The following TRAK1 variants were observed in gnomAD, a reference collection of about 807,000 sequenced individuals.
TRAK1 encodes trafficking kinesin protein 1, also known as trafficking kinesin-binding protein 1.
In TRAK1, 33 loss-of-function variants were observed where a neutral mutation model predicts 92.1. That is an observed-to-expected ratio of 0.36 (90% CI 0.27 to 0.48). TRAK1 has a LOEUF of 0.48. Among genes scored for constraint, TRAK1 ranks in the 20% least tolerant of loss-of-function variants. TRAK1 has a pLI of 0.99. For synonymous variants in TRAK1, 521 were observed against 517.3 expected (o/e 1.01, Z -0.10); for missense variants, 1,123 against 1,257.9 (o/e 0.89, Z 1.62).
chr3:42,113,825 A>T (rs1197937986), intron 1 of TRAK1, among the ~76,000 whole-genome samples: 1 of 152,196 alleles, frequency 6.6e-6, no homozygotes, highest in Non-Finnish European at 1.5e-5. Context: ...CAGTGTTGGG[A>T]TTACATACGT....
At chr3:42,170,580 C>T (rs1054130189) in intron 2 of TRAK1, among the ~76,000 whole-genome samples, 1 of 152,130 alleles carries the variant, frequency 6.6e-6, no homozygotes. Context: ...GCTAGGGATA[C>T]GTGTCTACTT....
At chr3:42,013,296 T>G (rs2148870165), upstream of TRAK1, among the ~76,000 whole-genome samples, 1 of 152,258 alleles carries the variant, frequency 6.6e-6, no homozygotes, top group South Asian at 2.1e-4. This position sits in a 1 kb window ranked among gnomAD's most constrained non-coding sequence, Gnocchi z 5.1. Flanking sequence ...TTCACGACAA[T>G]CAGCGCCCCG....
chr3:42,117,444 C>T (rs1709307848), intron 1 of TRAK1, among the ~76,000 whole-genome samples: 1 of 152,068 alleles, frequency 6.6e-6, no homozygotes, highest in Middle Eastern at 3.2e-3. Context: ...GTTCTTCTCT[C>T]CTCCTTTGCT....
upstream of TRAK1, among the ~76,000 whole-genome samples, chr3:42,088,407 T>C (rs943399423): frequency 3.3e-5 from 5 of 152,142 alleles, no homozygotes; most frequent in Non-Finnish European, 5.9e-5. Context: ...ACTGAGTCCC[T>C]CTCCCACTTG....
At chr3:42,091,888 C>G (rs1705124787) in intron 1 of TRAK1, among the ~76,000 whole-genome samples, 1 of 152,120 alleles carries the variant, frequency 6.6e-6, no homozygotes. Flanking sequence ...ACTCCCTTTC[C>G]CTTCACAGTT....
intron 2 of TRAK1, among the ~76,000 whole-genome samples, chr3:42,158,129 ACAT>A (rs1700776962): frequency 6.6e-6 from 1 of 152,220 alleles, no homozygotes; most frequent in African/African-American, 2.4e-5. Flanking sequence ...AGAGTCTTGG[ACAT>A]CATTTAGAAT....
intron 1 of TRAK1, among the ~76,000 whole-genome samples, chr3:42,071,324 C>T (rs968506425): frequency 6.6e-6 from 1 of 152,192 alleles, no homozygotes; most frequent in Admixed American, 6.5e-5. Context: ...GACAGCTTGG[C>T]AGCCGCTGTT....
intron 2 of TRAK1, among the ~76,000 whole-genome samples, chr3:42,139,235 A>G (rs979676223): frequency 2.0e-5 from 3 of 152,144 alleles, no homozygotes; most frequent in Middle Eastern, 3.2e-3. Context: ...GTTTACAGGC[A>G]AGGACCTAAG....
intron 1 of TRAK1, among the ~76,000 whole-genome samples, chr3:42,032,454 C>CA (rs1285824446): frequency 7.0e-6 from 1 of 143,268 alleles, no homozygotes; most frequent in Non-Finnish European, 1.5e-5. Context: ...AGATTTTGCT[C>CA]AAATACACCC....
chr3:42,094,136 G>C (rs933692386), intron 1 of TRAK1, among the ~76,000 whole-genome samples: 1 of 152,254 alleles, frequency 6.6e-6, no homozygotes, highest in East Asian at 1.9e-4. Context: ...TATGGGCCTC[G>C]GCACCTTCCT....
chr3:42,163,512 G>A (rs1701506677), intron 2 of TRAK1, among the ~76,000 whole-genome samples: 1 of 151,824 alleles, frequency 6.6e-6, no homozygotes, highest in African/African-American at 2.4e-5. Context: ...AGCTTGCAGT[G>A]AGCCAAGATC....
chr3:42,056,071 A>G (rs9833673), intron 1 of TRAK1, among the ~76,000 whole-genome samples: 2,941 of 152,198 alleles, frequency 0.019, 98 homozygotes, highest in African/African-American at 0.067. Context: ...TATTTAGTTT[A>G]TCCTTTCATT....
At chr3:42,099,134 A>T (rs1375005760) in intron 1 of TRAK1, among the ~76,000 whole-genome samples, 2 of 152,054 alleles carry the variant, frequency 1.3e-5, no homozygotes, top group Non-Finnish European at 2.9e-5. Flanking sequence ...AGGGCCGTGG[A>T]GGTCCCAGAC....
At chr3:42,218,745 C>A (rs1709994532) in intron 14 of TRAK1, 1 of 985,372 alleles carries the variant, frequency 1.0e-6, no homozygotes, top group African/African-American at 1.7e-5. Flanking sequence ...TTGTTGCCAT[C>A]CCATTTTCAT....
At chr3:42,057,804 TG>T (rs1475624010) in intron 1 of TRAK1, among the ~76,000 whole-genome samples, 1 of 152,170 alleles carries the variant, frequency 6.6e-6, no homozygotes, top group Non-Finnish European at 1.5e-5. Context: ...TCAAGTGTCC[TG>T]TAACCTGGAG....
chr3:42,115,423 C>G lies in TRAK1; in HGVS notation c.92-9997C>G, dbSNP rs568925288. ...GCCCTTTAGCCTCACGTCGGACACC[C>G]TGTTTCCAAACACGGCTGAGTCGGC... On this transcript the variant is annotated intron_variant, in intron 1 of 15. Coordinates refer to ENST00000327628, the MANE Select transcript of TRAK1 (RefSeq NM_001042646.3). Among the ~76,000 whole-genome samples, 5 of 152,270 alleles carry G rather than the reference C, an allele frequency of 3.3e-5. No homozygotes were observed. The South Asian group carries it at 8.3e-4, about 25-fold the overall frequency.
chr3:42,015,636 T>C (rs13065084), intron 1 of TRAK1, among the ~76,000 whole-genome samples: 1 of 152,200 alleles, frequency 6.6e-6, no homozygotes, highest in Non-Finnish European at 1.5e-5. Flanking sequence ...TCCAACATGA[T>C]TGGGTTTGTA....
chr3:42,040,879 A>G (rs746235044), intron 1 of TRAK1, among the ~76,000 whole-genome samples: 1 of 152,032 alleles, frequency 6.6e-6, no homozygotes, highest in Non-Finnish European at 1.5e-5. Context: ...GGGTTTCACC[A>G]TGTTGGCCAG....
chr3:42,097,818 C>G (rs1232221896), intron 1 of TRAK1, among the ~76,000 whole-genome samples: 1 of 152,140 alleles, frequency 6.6e-6, no homozygotes, highest in Non-Finnish European at 1.5e-5. Context: ...TTTAAATTTC[C>G]CAGACATCTG....
Sources: allele counts gnomAD v4.1 joint callset (sites outside exome capture counted in the v4.1 genomes callset), GRCh38; gene constraint gnomAD v4.1.1; non-coding constraint Gnocchi (gnomAD v3.1); transcripts MANE v1.5; gene names NCBI Gene and HGNC (gene_info 2026-07-23, HGNC 2026-07-21).